Variants in TMEM87B observed in about 807,000 individuals in gnomAD.
TMEM87B encodes the protein transmembrane protein 87B.
TMEM87B carries 83 observed loss-of-function variants against 80.3 expected under a neutral mutation model. The observed-to-expected ratio is 1.03, with a 90% CI of 0.87 to 1.24. The LOEUF is 1.24. Among genes scored for constraint, TMEM87B ranks in the 50% most tolerant of loss-of-function variants. The pLI is 0.00. For missense variants in TMEM87B, 625 were observed against 674.4 expected (o/e 0.93, Z 0.81); for synonymous variants, 219 against 230.5 (o/e 0.95, Z 0.45).
chr2:112,107,950 G>A (rs945922590), intron 17 of TMEM87B, 110 bp downstream of exon 17: 4 of 591,300 alleles, frequency 6.8e-6, no homozygotes, highest in African/African-American at 5.6e-5. Context: ...GCATGTACTT[G>A]GGTAAGCCCC....
intron 17 of TMEM87B, among the ~76,000 whole-genome samples, chr2:112,108,695 T>C (rs949730445): frequency 6.6e-6 from 1 of 152,140 alleles, no homozygotes; most frequent in Non-Finnish European, 1.5e-5. Flanking sequence ...GGGTTGAGGT[T>C]TTTTTGGGTG....
Position 112,098,688 on chromosome 2 carries a change from A to G in TMEM87B, c.1366A>G (p.Asn456Asp), listed in dbSNP as rs369634007. 11 of 1,614,046 alleles carry G rather than the reference A, an allele frequency of 6.8e-6. No individual in the cohort carries two copies. The African/African-American group carries it at 1.2e-4, about 18-fold the overall frequency. ...CATGTTTTTGTGGAGACCATCAGCA[A>G]ACAATCAGAGGTACCTAACATAGGA... ...VIMFLWRPSA[N>D]NQRYAFMPLI... Residue 456 changes from asparagine to aspartate, a missense_variant, in exon 14 of 19, where the codon AAC becomes GAC. Transcript: ENST00000283206.
In TMEM87B at chr2:112,117,672, AAGT is replaced by A. The variant is rs1680061002; in HGVS notation, c.*1533_*1535del. 1.3e-5 allele frequency: 2 copies of A among 152,100 alleles called. No individual in the cohort carries two copies. 9.4% of individuals were successfully genotyped at this position (152,100 alleles called of 1,614,324 possible). A position where few individuals can be genotyped will look rare whatever the true frequency, so the allele number is the denominator to read the frequency against. ...TATCCTTCCTAGGGAGAAAAAAAAA[AAGT>A]AGTTTAACAATTGTGAATTCCATTT... On this transcript the variant is annotated 3_prime_UTR_variant, in exon 19 of 19. Coordinates refer to ENST00000283206, the MANE Select transcript of TMEM87B (RefSeq NM_032824.3).
At chr2:112,111,520 A>G (rs1423461941) in intron 17 of TMEM87B, among the ~76,000 whole-genome samples, 1 of 152,374 alleles carries the variant, frequency 6.6e-6, no homozygotes. Flanking sequence ...GTAGAGCTCT[A>G]TAATCTAAGA....
At position 112,097,025 on chromosome 2, in the gene TMEM87B, T is replaced by C. The variant is rs750071411; in HGVS notation, c.1105-19T>C. On this transcript the variant is annotated intron_variant, in intron 11 of 18. Transcript: ENST00000283206. ...ACCTCTTATTATTACTTGGAATGTT[T>C]TTCCTTAACTTTTTTCACATTTTTA... 1 of 1,512,948 alleles carries C rather than the reference T, an allele frequency of 6.6e-7. No individual in the cohort carries two copies. The highest frequency in any genetic ancestry group is 2.0e-5 in the Admixed American group (1 of 49,918). The allele number at this position is 1,512,948 out of a possible 1,614,324, so 93.7% of individuals were successfully genotyped here. A position where few individuals can be genotyped will look rare whatever the true frequency, so the allele number is the denominator to read the frequency against.
chr2:112,109,996 C>T (rs1679871334), intron 17 of TMEM87B, among the ~76,000 whole-genome samples: 1 of 152,062 alleles, frequency 6.6e-6, no homozygotes, highest in Admixed American at 6.6e-5. Flanking sequence ...GAACTCCTGA[C>T]CTCAGGTGAT....
At chr2:112,076,221 C>G (rs2104469888) in intron 5 of TMEM87B, among the ~76,000 whole-genome samples, 1 of 152,232 alleles carries the variant, frequency 6.6e-6, no homozygotes, top group Non-Finnish European at 1.5e-5. Flanking sequence ...CATTGCACTT[C>G]AGCCTGGGTG....
At chr2:112,084,288 C>T (rs1679082654) in intron 8 of TMEM87B, among the ~76,000 whole-genome samples, 1 of 152,216 alleles carries the variant, frequency 6.6e-6, no homozygotes, top group Non-Finnish European at 1.5e-5. Context: ...TTACATTCTG[C>T]ACTCTTTCGG....
At chr2:112,081,227 T>C in intron 7 of TMEM87B, 108 bp from the exon 8 acceptor site, 1 of 1,429,822 alleles carries the variant, frequency 7.0e-7, no homozygotes, top group Admixed American at 1.8e-5. Flanking sequence ...CCTGTATTTC[T>C]GGTTCCAGAG....
Position 112,100,605 on chromosome 2 carries a change from C to A in TMEM87B, c.1377-17C>A. 6.4e-7 allele frequency: 1 copy of A among 1,563,024 alleles called. No homozygotes were observed. Among genetic ancestry groups the A allele is most frequent in the Admixed American group, 1.7e-5 (1 of 58,140 alleles). ...GTTTAAACATACTAGTAAAACTACT[C>A]CTTGTTTTTGCTATAGATATGCCTT... is the stretch of plus-strand genomic sequence containing the variant. On this transcript the variant is annotated splice_polypyrimidine_tract_variant and intron_variant, in intron 14 of 18. Transcript: ENST00000283206.
At chr2:112,070,575 T>C (rs1678592638) in intron 4 of TMEM87B, among the ~76,000 whole-genome samples, 2 of 152,236 alleles carry the variant, frequency 1.3e-5, no homozygotes, top group Admixed American at 6.5e-5. Flanking sequence ...TTGGTTACTA[T>C]AGCCCTGTGG....
At chr2:112,100,322 C>A (rs1558848060) in intron 14 of TMEM87B, among the ~76,000 whole-genome samples, 2 of 152,080 alleles carry the variant, frequency 1.3e-5, no homozygotes, top group Non-Finnish European at 2.9e-5. Flanking sequence ...GAGAGGTAAA[C>A]CTGACATGGA....
intron 15 of TMEM87B, among the ~76,000 whole-genome samples, chr2:112,102,876 T>C (rs1482776510): frequency 1.3e-5 from 2 of 152,140 alleles, no homozygotes; most frequent in African/African-American, 2.4e-5. Context: ...CACTTTCTTC[T>C]CAAGATTAGG....
rs1014612485 is a variant in TMEM87B at position 112,107,821 on chromosome 2, C to G, written c.1558C>G (p.Pro520Ala). The G allele has an allele frequency of 1.9e-6, 3 of 1,580,914 alleles. No homozygotes were observed. The highest frequency in any genetic ancestry group is 2.6e-6 in the Non-Finnish European group (3 of 1,157,104). Residue 520 changes from proline (P) to alanine (A), a missense_variant, in exon 17 of 19, where the codon CCC (proline) becomes GCC (alanine). Coordinates refer to ENST00000283206, the MANE Select transcript of TMEM87B (RefSeq NM_032824.3). ...TTTGAAGTGGGTAGAAGAAAATATT[C>G]CCTCTTCATTCACAGATGTGTAAGT... ...EDLKWVEENI[P>A]SSFTDVALPV...
At chr2:112,074,302 A>G (rs1246308894) in intron 4 of TMEM87B, among the ~76,000 whole-genome samples, 5 of 152,058 alleles carry the variant, frequency 3.3e-5, no homozygotes, top group Admixed American at 2.6e-4. Flanking sequence ...AAAGGGTCTT[A>G]TTTCCCCTTC....
At position 112,097,582 on chromosome 2, in the gene TMEM87B, G is replaced by A. The variant is rs181064123; in HGVS notation, c.1272+291G>A. ...TCTACTAAAAATACAAAAAATTAGC[G>A]GGTGCCTGTAGTCCCAGCTACTGGG... On this transcript the variant is annotated intron_variant, in intron 13 of 18. Coordinates refer to ENST00000283206, the MANE Select transcript of TMEM87B (RefSeq NM_032824.3). 1.5e-4 allele frequency among the ~76,000 whole-genome samples: 22 copies of A among 151,676 alleles called. No homozygotes were observed. In the East Asian group the frequency reaches 3.1e-3, roughly 22 times the overall value.
At position 112,098,692 on chromosome 2, in the gene TMEM87B, A is replaced by G; in HGVS notation, c.1370A>G (p.Asn457Ser). The change falls in exon 14 of 19, where the codon AAT becomes AGT. Residue 457 changes from asparagine to serine, a missense_variant. Coordinates refer to ENST00000283206, the MANE Select transcript of TMEM87B (RefSeq NM_032824.3). ...TTTTTGTGGAGACCATCAGCAAACAATCAGAGGTACCTAACATAGGAAATT... is the reference window on the plus strand; with the variant it reads ...TTTTTGTGGAGACCATCAGCAAACAGTCAGAGGTACCTAACATAGGAAATT... ...IMFLWRPSAN[N>S]QRYAFMPLID... 6.2e-7 allele frequency: 1 copy of G among 1,613,980 alleles called. No homozygotes were observed. Among genetic ancestry groups the G allele is most frequent in the Non-Finnish European group, 8.5e-7 (1 of 1,179,888 alleles).
At chr2:112,056,180 C>A (rs1326693663) in intron 1 of TMEM87B, among the ~76,000 whole-genome samples, 1 of 151,800 alleles carries the variant, frequency 6.6e-6, no homozygotes, top group African/African-American at 2.4e-5. Flanking sequence ...GACTTGCCAG[C>A]GCTTCAGTTT....
chr2:112,097,572 A>G lies in TMEM87B; in HGVS notation c.1272+281A>G, dbSNP rs1025407101. 3.9e-5 allele frequency among the ~76,000 whole-genome samples: 6 copies of G among 151,906 alleles called. 1 individual carries two copies. In the East Asian group the frequency reaches 1.2e-3, roughly 29 times the overall value. On this transcript the variant is annotated intron_variant, in intron 13 of 18. Transcript: ENST00000283206. ...AAACCCCGTCTCTACTAAAAATACA[A>G]AAAATTAGCGGGTGCCTGTAGTCCC...
Sources: gnomAD v4.1 joint callset for allele counts (sites outside exome capture counted in the v4.1 genomes callset) on GRCh38, gnomAD v4.1.1 for gene constraint, MANE v1.5 for transcripts, NCBI Gene and HGNC (gene_info 2026-07-23, HGNC 2026-07-21) for gene names.